Variants in TOGARAM1 observed in about 807,000 individuals in gnomAD.
TOGARAM1 encodes the protein TOG array regulator of axonemal microtubules 1.
TOGARAM1 carries 100 observed loss-of-function variants against 166.6 expected under a neutral mutation model. That is an observed-to-expected ratio of 0.60 (90% CI 0.51 to 0.71). The LOEUF is 0.71. TOGARAM1 is among the 30% of genes least tolerant of loss of function. The probability of loss-of-function intolerance (pLI) is 0.00; values close to 1 mark genes in which losing one functional copy is unlikely to be tolerated. For missense variants in TOGARAM1, 2,029 were observed against 2,102.7 expected, an observed-to-expected ratio of 0.96 and a Z score of 0.69; for synonymous variants, 758 against 763.8, an observed-to-expected ratio of 0.99 and a Z score of 0.13.
intron 1 of TOGARAM1, among the ~76,000 whole-genome samples, chr14:44,979,527 A>G (rs958774796): frequency 2.6e-5 from 4 of 152,160 alleles, no homozygotes; most frequent in Non-Finnish European, 5.9e-5. Flanking sequence ...AGATTTCAAC[A>G]TGATTTTTAA....
chr14:45,003,180 T>G (rs1192609306), intron 3 of TOGARAM1, among the ~76,000 whole-genome samples: 1 of 152,082 alleles, frequency 6.6e-6, no homozygotes, highest in African/African-American at 2.4e-5. Flanking sequence ...TTTAACCATG[T>G]CAGATATGAA....
At chr14:45,011,816 C>G in intron 6 of TOGARAM1, 159 bp from the exon 7 acceptor site, 1 of 491,596 alleles carries the variant, frequency 2.0e-6, no homozygotes, top group South Asian at 3.2e-5. Flanking sequence ...TGTGTGTATA[C>G]ACACACACTG....
chr14:44,992,000 A>G (rs1440558928), intron 1 of TOGARAM1, among the ~76,000 whole-genome samples: 3 of 139,312 alleles, frequency 2.2e-5, no homozygotes, highest in Admixed American at 7.6e-5. Context: ...ATACTTTGGT[A>G]GCTGAAGTGG....
chr14:44,963,985 A>G lies in TOGARAM1; in HGVS notation c.1564A>G (p.Ser522Gly). The G allele has an allele frequency of 1.2e-6, 2 of 1,614,234 alleles. No homozygotes were observed. The highest frequency in any genetic ancestry group is 1.7e-6 in the Non-Finnish European group (2 of 1,180,048). The change falls in exon 1 of 20, where the codon AGC becomes GGC. Residue 522 changes from serine to glycine, a missense_variant. Around this residue, in one of 2 missense-constraint regions of TOGARAM1, gnomAD observed 1,453 missense variants for 1,432.2 expected, o/e 1.01. Coordinates refer to ENST00000361462, the MANE Select transcript of TOGARAM1 (RefSeq NM_001308120.2). Reference protein sequence around the residue: ...SFDLAPALVDSKRRVRQAALE... With the variant: ...SFDLAPALVDGKRRVRQAALE... ...TGATCTTGCCCCAGCTCTTGTAGAT[A>G]GCAAACGCAGGGTACGCCAAGCAGC...
At chr14:45,017,460 AAATGG>A (rs1880220783) in intron 7 of TOGARAM1, among the ~76,000 whole-genome samples, 1 of 152,172 alleles carries the variant, frequency 6.6e-6, no homozygotes, top group African/African-American at 2.4e-5. Flanking sequence ...TTTGCCACTA[AAATGG>A]AATGGAAGAT....
At chr14:45,060,596 A>G (rs1882861932) in intron 16 of TOGARAM1, among the ~76,000 whole-genome samples, 1 of 152,220 alleles carries the variant, frequency 6.6e-6, no homozygotes, top group Non-Finnish European at 1.5e-5. Flanking sequence ...ATATAATCTC[A>G]TAAGATCCTG....
intron 16 of TOGARAM1, among the ~76,000 whole-genome samples, chr14:45,063,116 A>AT (rs908996082): frequency 1.3e-5 from 2 of 151,794 alleles, no homozygotes; most frequent in Non-Finnish European, 2.9e-5. Flanking sequence ...AGGCTTATCC[A>AT]TTTTTTTTAA....
chr14:45,072,846 T>G (rs1246500567), intron 19 of TOGARAM1, among the ~76,000 whole-genome samples: 1 of 151,900 alleles, frequency 6.6e-6, no homozygotes, highest in South Asian at 2.1e-4. Context: ...CAAAGGGCCA[T>G]AAAAGGAGAA....
intron 16 of TOGARAM1, among the ~76,000 whole-genome samples, chr14:45,065,133 G>A (rs1050842113): frequency 1.3e-5 from 2 of 152,014 alleles, no homozygotes; most frequent in African/African-American, 4.8e-5. Context: ...CAGCCTGGGT[G>A]ACAAAGTGAG....
At chr14:45,003,954 A>G (rs1311088212) in intron 3 of TOGARAM1, 107 bp from the exon 4 acceptor site, 2 of 791,274 alleles carry the variant, frequency 2.5e-6, no homozygotes, top group Admixed American at 2.9e-5. Flanking sequence ...AAAAATATAC[A>G]TGCCAATTGG....
intron 1 of TOGARAM1, among the ~76,000 whole-genome samples, chr14:44,992,173 T>G (rs947621747): frequency 2.0e-5 from 3 of 151,470 alleles, no homozygotes; most frequent in African/African-American, 7.3e-5. Flanking sequence ...AGTACTTTTA[T>G]TATAATGTAA....
intron 16 of TOGARAM1, among the ~76,000 whole-genome samples, chr14:45,056,790 T>C (rs1049936419): frequency 1.3e-5 from 2 of 152,142 alleles, no homozygotes; most frequent in Admixed American, 6.5e-5. Flanking sequence ...TACATCTATA[T>C]TTTTAGGGGA....
intron 1 of TOGARAM1, among the ~76,000 whole-genome samples, chr14:44,979,439 C>T (rs192024049): frequency 2.3e-4 from 35 of 152,184 alleles, no homozygotes; most frequent in Non-Finnish European, 4.1e-4. Context: ...GGCACTAATC[C>T]CATACTTGAG....
intron 1 of TOGARAM1, among the ~76,000 whole-genome samples, chr14:44,972,713 T>G (rs976783768): frequency 6.6e-6 from 1 of 152,182 alleles, no homozygotes; most frequent in African/African-American, 2.4e-5. Context: ...AATGTTAGCA[T>G]GGTGTACCTT....
chr14:45,047,638 C>T (rs1166462563), intron 14 of TOGARAM1, among the ~76,000 whole-genome samples: 1 of 152,024 alleles, frequency 6.6e-6, no homozygotes, highest in Non-Finnish European at 1.5e-5. Flanking sequence ...TTTCTAGTCC[C>T]CGTCATTGTT....
chr14:45,065,660 C>T (rs887652500), intron 16 of TOGARAM1, among the ~76,000 whole-genome samples: 17 of 152,132 alleles, frequency 1.1e-4, no homozygotes, highest in Non-Finnish European at 1.5e-5. Context: ...CTCACGGATA[C>T]TTTGCAGGAA....
chr14:45,002,300 C>G (rs531292664), intron 3 of TOGARAM1, among the ~76,000 whole-genome samples: 2 of 152,266 alleles, frequency 1.3e-5, no homozygotes, highest in Admixed American at 6.5e-5. Context: ...GCCACTTAAC[C>G]TGTTCCTGTT....
intron 11 of TOGARAM1, among the ~76,000 whole-genome samples, chr14:45,041,447 C>CTGATAGTTTA (rs1881722625): frequency 6.6e-6 from 1 of 152,162 alleles, no homozygotes; most frequent in South Asian, 2.1e-4. Flanking sequence ...ACTTCAGTTT[C>CTGATAGTTTA]TGATAGTTTA....
chr14:44,962,483 G>C lies in TOGARAM1; in HGVS notation c.62G>C (p.Arg21Pro). 2 of 1,609,058 alleles carry C rather than the reference G, an allele frequency of 1.2e-6. No individual in the cohort carries two copies. Among genetic ancestry groups the C allele is most frequent in the Non-Finnish European group, 1.7e-6 (2 of 1,178,130 alleles). ...CCCTTTCCAGTCCTCTCTACCTATC[G>C]GCTCCAGAGCCGCAGTCGTCCTTCC... ...LPPFPVLSTY[R>P]LQSRSRPSAP... Residue 21 changes from arginine (R) to proline (P), a missense_variant, in exon 1 of 20, where the codon CGG (arginine) becomes CCG (proline). Physicochemically the swap from Arg to Pro is moderately radical, Grantham distance 103 (BLOSUM62 -2). Around this residue, in one of 2 missense-constraint regions of TOGARAM1, gnomAD observed 1,453 missense variants for 1,432.2 expected, o/e 1.01. Coordinates refer to ENST00000361462, the MANE Select transcript of TOGARAM1 (RefSeq NM_001308120.2).
Sources: allele counts gnomAD v4.1 joint callset (sites outside exome capture counted in the v4.1 genomes callset), GRCh38; gene constraint gnomAD v4.1.1; regional missense constraint gnomAD v4.1.1; transcripts MANE v1.5; gene names NCBI Gene and HGNC (gene_info 2026-07-23, HGNC 2026-07-21).